The following DUSP15 variants were observed in gnomAD, a reference collection of about 807,000 sequenced individuals.
DUSP15 encodes dual specificity phosphatase 15.
Under a neutral mutation model 26.3 loss-of-function variants are expected in DUSP15, and 23 were observed. The observed-to-expected ratio is 0.87, with a 90% confidence interval of 0.63 to 1.24. The LOEUF is 1.24. Ranked by LOEUF, DUSP15 falls within the 50% of genes most tolerant of loss-of-function variation. The pLI is 0.00. For missense variants in DUSP15, 364 were observed against 320.6 expected (o/e 1.14, Z -1.03); for synonymous variants, 143 against 135.5 (o/e 1.06, Z -0.39).
downstream of DUSP15, among the ~76,000 whole-genome samples, chr20:31,846,470 GA>G (rs1568647309): frequency 1.3e-4 from 11 of 82,082 alleles, no homozygotes; most frequent in African/African-American, 5.9e-4. Flanking sequence ...GAGAGAGAGA[GA>G]GAGAGGAGAG....
intron 7 of DUSP15, chr20:31,850,484 C>T: frequency 1.1e-6 from 1 of 938,308 alleles, no homozygotes; most frequent in South Asian, 1.5e-5. Context: ...GAAATGTTGA[C>T]TGTTGTGGCT....
At chr20:31,850,615 G>C (rs748122334) in exon 7 of DUSP15, 8 of 1,611,154 alleles carry the variant, frequency 5.0e-6, no homozygotes, top group Admixed American at 1.7e-5. Context: ...TCCTTACCAG[G>C]TTGCTGAAGT....
intron 1 of DUSP15, chr20:31,869,819 C>A: frequency 1.4e-6 from 2 of 1,430,750 alleles, no homozygotes; most frequent in South Asian, 3.0e-5. Flanking sequence ...CCGAGGGAAC[C>A]AAGGGAGGCC....
chr20:31,858,052 G>C (rs557058324), downstream of DUSP15, among the ~76,000 whole-genome samples: 14 of 152,304 alleles, frequency 9.2e-5, no homozygotes, highest in East Asian at 2.5e-3. The surrounding 1 kb of genome is among the most constrained non-coding windows in gnomAD (Gnocchi z 4.4). Context: ...AGTGGCCCAG[G>C]GTCACAAGGC....
At chr20:31,870,595 C>A, upstream of DUSP15, 1 of 1,394,122 alleles carries the variant, frequency 7.2e-7, no homozygotes, top group Non-Finnish European at 9.3e-7. The surrounding 1 kb of genome is among the most constrained non-coding windows in gnomAD (Gnocchi z 6.6). Context: ...CATGTGGGGC[C>A]CCCGCCTCGG....
At chr20:31,866,065 A>G (rs2062758265) in intron 3 of DUSP15, among the ~76,000 whole-genome samples, 1 of 152,234 alleles carries the variant, frequency 6.6e-6, no homozygotes, top group Admixed American at 6.5e-5. Flanking sequence ...ATTGAAAATC[A>G]TAGATTATTA....
At chr20:31,852,061 G>A (rs929032164) in intron 6 of DUSP15, among the ~76,000 whole-genome samples, 1 of 149,040 alleles carries the variant, frequency 6.7e-6, no homozygotes, top group Non-Finnish European at 1.5e-5. Context: ...AGGCTGGAGT[G>A]CAATGGTGCG....
intron 3 of DUSP15, 71 bp downstream of exon 3, chr20:31,867,000 T>C (rs2062782438): frequency 1.4e-6 from 2 of 1,384,944 alleles, no homozygotes; most frequent in Non-Finnish European, 2.0e-6. Flanking sequence ...ACCTAGCACA[T>C]AGTAGATATT....
intron 6 of DUSP15, among the ~76,000 whole-genome samples, chr20:31,853,408 G>C (rs12479577): frequency 6.6e-6 from 1 of 151,800 alleles, no homozygotes; most frequent in Non-Finnish European, 1.5e-5. Flanking sequence ...AAAAACCACA[G>C]GTAAGAGAAA....
At chr20:31,863,793 C>A in intron 5 of DUSP15, 114 bp downstream of exon 5, 1 of 1,040,182 alleles carries the variant, frequency 9.6e-7, no homozygotes, top group Non-Finnish European at 1.5e-6. Context: ...GGCACTGTGA[C>A]AGGCTGGAGA....
intron 9 of DUSP15, chr20:31,848,632 G>A (rs1033794501): frequency 2.0e-6 from 3 of 1,484,434 alleles, no homozygotes; most frequent in Admixed American, 5.0e-5. Context: ...CCCATGGGAA[G>A]TCACAGCCCT....
intron 6 of DUSP15, among the ~76,000 whole-genome samples, chr20:31,861,975 GCTTTGCACTTCTGGGTAACTCCTCCCA>G (rs140318703): frequency 0.02 from 3,048 of 151,930 alleles, 119 homozygotes; most frequent in African/African-American, 0.07. Flanking sequence ...CACTCCTCCC[GCTTTGCACTTCTGGGTAACTCCTCCCA>G]CTTTGCACCT....
At chr20:31,861,738 G>GGGGGGGGCCC in intron 6 of DUSP15, 63 bp from the exon 7 acceptor site, 1 of 1,290,718 alleles carries the variant, frequency 7.7e-7, no homozygotes. Flanking sequence ...AAGGCAGCCG[G>GGGGGGGGCCC]CCCCGCCCCC....
intron 4 of DUSP15, chr20:31,864,452 A>G (rs993529470): frequency 5.0e-5 from 52 of 1,033,818 alleles, no homozygotes; most frequent in Non-Finnish European, 5.9e-5. Flanking sequence ...ACAAACAAAA[A>G]TCCCGTTTTC....
rs951068117 is a variant in DUSP15 at position 31,870,412 on chromosome 20, G to T, written c.-75C>A. 2.3e-6 allele frequency: 3 copies of T among 1,283,704 alleles called. No individual in the cohort carries two copies. The highest frequency in any genetic ancestry group is 3.3e-5 in the Admixed American group (1 of 30,248). The allele number at this position is 1,283,704 out of a possible 1,614,324, so 79.5% of individuals were successfully genotyped here. On this transcript the variant is annotated 5_prime_UTR_variant, in exon 1 of 7. Transcript: ENST00000339738. The surrounding 1 kb of genome is among the most constrained non-coding windows in gnomAD (Gnocchi z 6.6). The stretch of plus-strand genomic sequence containing the variant: ...GCGATCCGGTCACAGCTGCCCTGAC[G>T]GCCCAGGCCCGACGCCTGCAGCCTG...
chr20:31,848,951 G>T (rs1294373336), intron 8 of DUSP15: 2 of 1,501,938 alleles, frequency 1.3e-6, no homozygotes, highest in Middle Eastern at 1.7e-4. Flanking sequence ...TAGGGACTGG[G>T]CAAGAACTAG....
At chr20:31,848,207 C>G (rs1400448501) in exon 10 of DUSP15, 3 of 537,166 alleles carry the variant, frequency 5.6e-6, no homozygotes, top group Non-Finnish European at 9.5e-6. Context: ...AGTTTCCTGC[C>G]GAAGCCCCAT....
intron 6 of DUSP15, among the ~76,000 whole-genome samples, chr20:31,852,185 T>A (rs1412358581): frequency 6.6e-6 from 1 of 152,058 alleles, no homozygotes; most frequent in Non-Finnish European, 1.5e-5. Flanking sequence ...TTTTTTGTAT[T>A]TTTAGTAGAG....
rs997716398 is a variant in DUSP15 at position 31,870,022 on chromosome 20, A to C, written c.21+295T>G. ...GGAGTCAGCGACAAGGGAGAGGGAC[A>C]CATGCAGACGGAGAGCAGGACTCAC... On this transcript the variant is annotated intron_variant, in intron 1 of 6. Coordinates refer to ENST00000339738, the MANE Select transcript of DUSP15 (RefSeq NM_080611.5). This position sits in a 1 kb window ranked among gnomAD's most constrained non-coding sequence, Gnocchi z 6.6. 7.5e-7 allele frequency: 1 copy of C among 1,325,356 alleles called. No homozygotes were observed. The highest frequency in any genetic ancestry group is 9.6e-7 in the Non-Finnish European group (1 of 1,039,562). 82.1% of individuals were successfully genotyped at this position (1,325,356 alleles called of 1,614,324 possible).
Sources: allele counts gnomAD v4.1 joint callset (sites outside exome capture counted in the v4.1 genomes callset), GRCh38; gene constraint gnomAD v4.1.1; non-coding constraint Gnocchi (gnomAD v3.1); transcripts MANE v1.5; gene names NCBI Gene and HGNC (gene_info 2026-07-23, HGNC 2026-07-21).